Variants in ANK3 observed in about 807,000 individuals in gnomAD.
The protein encoded by ANK3 is ankyrin 3.
In ANK3, 57 loss-of-function variants were observed where a neutral mutation model predicts 370.9. The observed-to-expected ratio is 0.15, with a 90% CI of 0.12 to 0.19. The LOEUF (loss-of-function observed/expected upper bound fraction) is 0.19, where lower values mean the gene tolerates loss of function less well. Ranked by LOEUF, ANK3 falls within the 10% of genes least tolerant of loss-of-function variation. The pLI, the probability that ANK3 is intolerant of heterozygous loss-of-function variation, is 1.00. For missense variants in ANK3, 4,439 were observed against 5,302.1 expected, an observed-to-expected ratio of 0.84 and a Z score of 5.06; for synonymous variants, 1,929 against 1,946.3, an observed-to-expected ratio of 0.99 and a Z score of 0.23.
chr10:60,193,620 A>T (rs563062212), intron 16 of ANK3, among the ~76,000 whole-genome samples: 1 of 149,406 alleles, frequency 6.7e-6, no homozygotes, highest in Non-Finnish European at 1.5e-5. Context: ...GTGCCACTAC[A>T]CTCCAGTCTG....
intron 9 of ANK3, among the ~76,000 whole-genome samples, chr10:60,211,892 C>CAAAAAAAAAAAAAAAAAAAAAAAAAA (rs72238553): frequency 3.2e-5 from 3 of 93,388 alleles, no homozygotes; most frequent in African/African-American, 4.8e-5. Context: ...AATACAGAGC[C>CAAAAAAAAAAAAAAAAAAAAAAAAAA]AAAAAAAAAA....
intron 2 of ANK3, among the ~76,000 whole-genome samples, chr10:60,482,386 G>C (rs564397674): frequency 1.3e-5 from 2 of 152,240 alleles, no homozygotes; most frequent in South Asian, 4.1e-4. Context: ...GATATTGCCA[G>C]TTTCTCCTTC....
Position 60,400,009 on chromosome 10 carries a change from A to AGTGTGT in ANK3, c.97-120376_97-120371dup, listed in dbSNP as rs60224309. Among the ~76,000 whole-genome samples, 497 of 145,980 alleles carry AGTGTGT rather than the reference A, an allele frequency of 3.4e-3. 3 individuals carry two copies. Among genetic ancestry groups the AGTGTGT allele is most frequent in the African/African-American group, 9.2e-3 (357 of 38,800 alleles). ...AAATATAAATCAAAACCTCCAATAC[A>AGTGTGT]GTGTGTGTGTGTGTGTGTGTGTGTG... is the stretch of plus-strand genomic sequence containing the variant. On this transcript the variant is annotated intron_variant, in intron 2 of 43. Coordinates refer to the ANK3 transcript ENST00000373827.
chr10:60,297,036 A>T (rs2042673995), intron 1 of ANK3, among the ~76,000 whole-genome samples: 1 of 152,208 alleles, frequency 6.6e-6, no homozygotes, highest in African/African-American at 2.4e-5. Flanking sequence ...ATCTGATCTT[A>T]CAGATACAAG....
chr10:60,502,392 A>G (rs556976834), intron 2 of ANK3, among the ~76,000 whole-genome samples: 4 of 152,242 alleles, frequency 2.6e-5, no homozygotes, highest in African/African-American at 7.2e-5. Context: ...GACCTGAGTT[A>G]TATTCTAGAT....
At chr10:60,691,542 C>T (rs773932670) in intron 1 of ANK3, among the ~76,000 whole-genome samples, 22 of 152,270 alleles carry the variant, frequency 1.4e-4, no homozygotes, top group South Asian at 8.3e-4. Flanking sequence ...CTTAAACTAA[C>T]GGCATGTCAA....
chr10:60,063,306 T>C, intron 39 of ANK3, 52 bp from the exon 40 acceptor site: 2 of 1,547,156 alleles, frequency 1.3e-6, no homozygotes, highest in Non-Finnish European at 1.7e-6. Context: ...GTTCTTTCAG[T>C]CAGCACAATA....
intron 2 of ANK3, among the ~76,000 whole-genome samples, chr10:60,478,199 A>G (rs1412500821): frequency 1.3e-5 from 2 of 152,114 alleles, no homozygotes; most frequent in African/African-American, 4.8e-5. Context: ...TTTTTAAGAA[A>G]CAAACCTGAA....
At chr10:60,179,764 C>T (rs754189418) in intron 18 of ANK3, among the ~76,000 whole-genome samples, 4 of 151,890 alleles carry the variant, frequency 2.6e-5, no homozygotes, top group Non-Finnish European at 4.4e-5. Context: ...TCCTGAGACT[C>T]GTACATCGAG....
At chr10:60,465,186 A>AT (rs2064980702) in intron 2 of ANK3, among the ~76,000 whole-genome samples, 1 of 151,852 alleles carries the variant, frequency 6.6e-6, no homozygotes, top group African/African-American at 2.4e-5. Flanking sequence ...GAACCTGAGA[A>AT]TTTGAGGCTG....
chr10:60,435,908 A>C (rs1330648902), intron 2 of ANK3, among the ~76,000 whole-genome samples: 2 of 152,136 alleles, frequency 1.3e-5, no homozygotes, highest in Admixed American at 1.3e-4. Context: ...GACCGCGGTG[A>C]AACCCCGTCT....
At chr10:60,605,321 T>G (rs2078114287) in intron 2 of ANK3, among the ~76,000 whole-genome samples, 1 of 152,030 alleles carries the variant, frequency 6.6e-6, no homozygotes, top group African/African-American at 2.4e-5. Context: ...CCAGGTGCAG[T>G]GGCTCACACC....
At chr10:60,609,131 C>G (rs1476365246) in intron 2 of ANK3, among the ~76,000 whole-genome samples, 1 of 152,124 alleles carries the variant, frequency 6.6e-6, no homozygotes, top group Non-Finnish European at 1.5e-5. Context: ...TTGCCAAGAA[C>G]TTTTTGAGAA....
chr10:60,532,022 C>T (rs1027284793), intron 2 of ANK3, among the ~76,000 whole-genome samples: 1 of 152,106 alleles, frequency 6.6e-6, no homozygotes, highest in African/African-American at 2.4e-5. Context: ...AAACAGGCAC[C>T]TGGGCCTCAG....
intron 25 of ANK3, among the ~76,000 whole-genome samples, chr10:60,116,200 C>G (rs1033438014): frequency 6.6e-6 from 1 of 152,114 alleles, no homozygotes; most frequent in African/African-American, 2.4e-5. Context: ...GGATTGTACA[C>G]TGAATATTCA....
At chr10:60,261,791 T>A in intron 7 of ANK3, 68 bp downstream of exon 7, 1 of 1,396,128 alleles carries the variant, frequency 7.2e-7, no homozygotes, top group Non-Finnish European at 1.0e-6. Context: ...AACATCCTCA[T>A]GTTGGGGAAA....
chr10:60,419,833 C>A (rs1190357939), intron 2 of ANK3, among the ~76,000 whole-genome samples: 1 of 152,106 alleles, frequency 6.6e-6, no homozygotes, highest in Non-Finnish European at 1.5e-5. Flanking sequence ...TCGATAACTC[C>A]AGTATTCATC....
intron 2 of ANK3, among the ~76,000 whole-genome samples, chr10:60,506,799 G>A (rs1330650580): frequency 6.6e-6 from 1 of 152,050 alleles, no homozygotes; most frequent in African/African-American, 2.4e-5. Flanking sequence ...TCTGAAGTTC[G>A]TGCCCAGTTC....
intron 1 of ANK3, among the ~76,000 whole-genome samples, chr10:60,673,192 G>GT (rs921658901): frequency 1.1e-3 from 168 of 150,876 alleles, no homozygotes; most frequent in African/African-American, 3.0e-3. Flanking sequence ...TCAAAAACAT[G>GT]TTTTTTTTTC....
Sources: gnomAD v4.1 joint callset for allele counts (sites outside exome capture counted in the v4.1 genomes callset) on GRCh38, gnomAD v4.1.1 for gene constraint, MANE v1.5 for transcripts, NCBI Gene and HGNC (gene_info 2026-07-23, HGNC 2026-07-21) for gene names.